The following RAD51B variants were observed in gnomAD, a reference collection of about 807,000 sequenced individuals.
RAD51B encodes the protein RAD51 paralog B.
In RAD51B, 38 loss-of-function variants were observed where a neutral mutation model predicts 42.2. That is an observed-to-expected ratio of 0.90 (90% CI 0.70 to 1.18). The LOEUF (loss-of-function observed/expected upper bound fraction) is 1.18, where lower values mean the gene tolerates loss of function less well. Among genes scored for constraint, RAD51B ranks in the 50% most tolerant of loss-of-function variants. RAD51B has a pLI of 0.00. For synonymous variants in RAD51B, 154 were observed against 145.2 expected (o/e 1.06, Z -0.43); for missense variants, 373 against 400.7 (o/e 0.93, Z 0.59).
intron 7 of RAD51B, among the ~76,000 whole-genome samples, chr14:67,906,966 T>C (rs1356263830): frequency 6.6e-6 from 1 of 151,946 alleles, no homozygotes; most frequent in Non-Finnish European, 1.5e-5. Flanking sequence ...TGTGCTACCA[T>C]ACCCGGCTAA....
At chr14:68,401,608 G>T (rs911265) in intron 8 of RAD51B, among the ~76,000 whole-genome samples, 1 of 152,128 alleles carries the variant, frequency 6.6e-6, no homozygotes, top group African/African-American at 2.4e-5. Context: ...AAAGCCTCTG[G>T]ACTGCATTCA....
intron 10 of RAD51B, among the ~76,000 whole-genome samples, chr14:68,566,656 A>AC (rs768212971): frequency 2.3e-3 from 340 of 150,092 alleles, no homozygotes; most frequent in Admixed American, 3.9e-3. Context: ...GCTGGGAGAA[A>AC]CCCCCCCGGT....
chr14:68,458,729 T>A (rs1020368890), intron 9 of RAD51B, among the ~76,000 whole-genome samples: 6 of 151,282 alleles, frequency 4.0e-5, no homozygotes, highest in Admixed American at 2.6e-4. Flanking sequence ...TTTTTAGGGA[T>A]TCAGATCAGC....
At chr14:68,038,212 C>T (rs1417671082) in intron 7 of RAD51B, among the ~76,000 whole-genome samples, 1 of 152,152 alleles carries the variant, frequency 6.6e-6, no homozygotes, top group African/African-American at 2.4e-5. Context: ...TTATCTTTTA[C>T]AAATTAAAAA....
At chr14:68,305,537 T>C (rs1224045012) in intron 8 of RAD51B, among the ~76,000 whole-genome samples, 1 of 152,174 alleles carries the variant, frequency 6.6e-6, no homozygotes, top group Non-Finnish European at 1.5e-5. Context: ...CCCACAGACA[T>C]GAAACAGTTG....
chr14:68,123,191 C>CTTTTTTTTTTTTTTT (rs541886088), intron 7 of RAD51B, among the ~76,000 whole-genome samples: 8 of 125,500 alleles, frequency 6.4e-5, no homozygotes, highest in Non-Finnish European at 1.2e-4. Context: ...TTCTTTCTTT[C>CTTTTTTTTTTTTTTT]TTTTTTTTTT....
intron 10 of RAD51B, among the ~76,000 whole-genome samples, chr14:68,643,879 G>C (rs1340837217): frequency 1.3e-5 from 2 of 152,084 alleles, no homozygotes; most frequent in Admixed American, 6.5e-5. Context: ...TCATGAAAAG[G>C]GGGTGGGGCC....
intron 8 of RAD51B, among the ~76,000 whole-genome samples, chr14:68,344,870 C>T (rs1319573524): frequency 6.7e-6 from 1 of 150,098 alleles, no homozygotes; most frequent in Non-Finnish European, 1.5e-5. Context: ...TGGCGTGAAC[C>T]CAGGAGGCGG....
intron 11 of RAD51B, among the ~76,000 whole-genome samples, chr14:68,673,429 T>C (rs1893203443): frequency 6.6e-6 from 1 of 151,974 alleles, no homozygotes; most frequent in African/African-American, 2.4e-5. Flanking sequence ...TGCAAACATG[T>C]ATACATGCAC....
At chr14:68,331,040 C>T (rs1218587619) in intron 8 of RAD51B, among the ~76,000 whole-genome samples, 1 of 151,980 alleles carries the variant, frequency 6.6e-6, no homozygotes, top group Non-Finnish European at 1.5e-5. Context: ...AAAAACAATT[C>T]TAGGTTTATA....
intron 8 of RAD51B, among the ~76,000 whole-genome samples, chr14:68,379,490 T>C (rs2083436835): frequency 6.6e-6 from 1 of 152,126 alleles, no homozygotes; most frequent in Admixed American, 6.5e-5. Flanking sequence ...GTCCTAGGCC[T>C]TAGAGTGGAC....
At chr14:68,070,742 G>A (rs1037796803) in intron 7 of RAD51B, among the ~76,000 whole-genome samples, 3 of 150,826 alleles carry the variant, frequency 2.0e-5, no homozygotes, top group Non-Finnish European at 4.4e-5. Flanking sequence ...TTTTGCTTAG[G>A]ATTGCTTTGG....
At chr14:68,202,731 T>C (rs1260375407) in intron 7 of RAD51B, among the ~76,000 whole-genome samples, 3 of 151,816 alleles carry the variant, frequency 2.0e-5, no homozygotes, top group African/African-American at 7.3e-5. Context: ...TACAGGTGTG[T>C]GCCTCCACAC....
chr14:67,903,167 TTCTAAC>T lies in RAD51B; in HGVS notation c.756+15967_756+15972del, dbSNP rs2043668676. Among the ~76,000 whole-genome samples the T allele has an allele frequency of 2.6e-5, 4 of 152,244 alleles. No individual in the cohort carries two copies. In the South Asian group the frequency reaches 6.2e-4, roughly 24 times the overall value. On this transcript the variant is annotated intron_variant, in intron 7 of 10. Transcript: ENST00000471583. Reference sequence around the variant, plus strand: ...GCCACCGCGCCTGGCCTGAGAAAACTTCTAACTCTGAGTTTAGTTGGTTTGTCTGTA... The same window carrying T: ...GCCACCGCGCCTGGCCTGAGAAAACTTCTGAGTTTAGTTGGTTTGTCTGTA...
intron 10 of RAD51B, chr14:68,562,492 C>G: frequency 1.0e-6 from 1 of 985,264 alleles, no homozygotes; most frequent in Non-Finnish European, 1.2e-6. Flanking sequence ...TGAGCGCTCT[C>G]TGCCTCAGTT....
chr14:67,920,984 G>GTA (rs2044304503), intron 7 of RAD51B, among the ~76,000 whole-genome samples: 1 of 152,194 alleles, frequency 6.6e-6, no homozygotes, highest in South Asian at 2.1e-4. Flanking sequence ...GTAGCATAGA[G>GTA]TAATGGGGAA....
At chr14:68,189,295 A>G (rs2079216996) in intron 7 of RAD51B, among the ~76,000 whole-genome samples, 1 of 152,154 alleles carries the variant, frequency 6.6e-6, no homozygotes. Flanking sequence ...CTCAATAAGT[A>G]CTTGAATATG....
chr14:68,220,253 G>A (rs1390022536), intron 7 of RAD51B, among the ~76,000 whole-genome samples: 1 of 152,228 alleles, frequency 6.6e-6, no homozygotes, highest in Non-Finnish European at 1.5e-5. Context: ...AGTTTAGAAA[G>A]CGTATTTGAG....
intron 7 of RAD51B, among the ~76,000 whole-genome samples, chr14:67,896,136 G>A (rs1245364211): frequency 6.6e-6 from 1 of 152,120 alleles, no homozygotes; most frequent in African/African-American, 2.4e-5. Context: ...ATTGAATAGT[G>A]TCATATATTG....
Sources: gnomAD v4.1 joint callset for allele counts (sites outside exome capture counted in the v4.1 genomes callset) on GRCh38, gnomAD v4.1.1 for gene constraint, MANE v1.5 for transcripts, NCBI Gene and HGNC (gene_info 2026-07-23, HGNC 2026-07-21) for gene names.